Variants in DLC1 observed in about 807,000 individuals in gnomAD.
The protein encoded by DLC1 is DLC1 Rho GTPase activating protein, also known as rho GTPase-activating protein 7.
Under a neutral mutation model 140.3 loss-of-function variants are expected in DLC1, and 54 were observed. The ratio of observed to expected loss-of-function variants is 0.38; its 90% confidence interval spans 0.31 to 0.48. The LOEUF (loss-of-function observed/expected upper bound fraction) is 0.48. Ranked by LOEUF, DLC1 falls within the 20% of genes least tolerant of loss-of-function variation. The pLI, the probability that DLC1 is intolerant of heterozygous loss-of-function variation, is 0.96. For missense variants in DLC1, 2,536 were observed against 1,907.0 expected, an observed-to-expected ratio of 1.33 and a Z score of -6.14; for synonymous variants, 986 against 728.1, an observed-to-expected ratio of 1.35 and a Z score of -5.70.
At chr8:13,276,551 G>A in intron 5 of DLC1, 2 of 1,289,858 alleles carry the variant, frequency 1.6e-6, no homozygotes, top group Non-Finnish European at 2.0e-6. Flanking sequence ...CCAACTGCAG[G>A]CGGCCTCCTG....
rs546647039 is a variant in DLC1, at chr8:13,521,247, G to C, written c.-125-21051C>G. ...AGGGGAACATCACCCACTGGGGCCT[G>C]TTGGAGGGGCTTGGGGAGGGAGAGC... On this transcript the variant is annotated intron_variant, in intron 1 of 1. Coordinates refer to the DLC1 transcript ENST00000631382. Among the ~76,000 whole-genome samples, 126 of 152,204 alleles carry C rather than the reference G, an allele frequency of 8.3e-4. 1 individual carries two copies. Among genetic ancestry groups the C allele is most frequent in the South Asian group, 4.4e-3 (21 of 4,814 alleles).
chr8:13,312,694 A>C (rs1257859697), intron 4 of DLC1, among the ~76,000 whole-genome samples: 2 of 152,156 alleles, frequency 1.3e-5, no homozygotes, highest in Non-Finnish European at 2.9e-5. Context: ...TAATATATTC[A>C]TTGTGTCTAT....
At chr8:13,462,472 T>C (rs1304600701) in intron 2 of DLC1, among the ~76,000 whole-genome samples, 1 of 151,500 alleles carries the variant, frequency 6.6e-6, no homozygotes, top group Non-Finnish European at 1.5e-5. Context: ...GGCGCGATCT[T>C]GGCTCACTGC....
Position 13,261,512 on chromosome 8 carries a change from C to G in DLC1, c.1348+43757G>C, listed in dbSNP as rs146129712. Among the ~76,000 whole-genome samples, 421 of 152,208 alleles carry G rather than the reference C, an allele frequency of 2.8e-3. 2 individuals are homozygous for G. The highest frequency in any genetic ancestry group is 0.01 in the Middle Eastern group (3 of 294). On this transcript the variant is annotated intron_variant, in intron 5 of 17. Coordinates refer to ENST00000276297, the MANE Select transcript of DLC1 (RefSeq NM_182643.3). ...ATATAGTTTATGTTTATAAATATCA[C>G]TCTGGTCGTCATGTTTGGAATGAAT...
chr8:13,324,922 G>T (rs1352621317), intron 4 of DLC1, among the ~76,000 whole-genome samples: 1 of 152,082 alleles, frequency 6.6e-6, no homozygotes, highest in African/African-American at 2.4e-5. Flanking sequence ...CAACACTTTG[G>T]TGATACTGTG....
intron 1 of DLC1, among the ~76,000 whole-genome samples, 170 bp from the exon 2 acceptor site, chr8:13,500,366 A>C (rs1801756827): frequency 1.3e-5 from 2 of 152,344 alleles, no homozygotes; most frequent in South Asian, 4.1e-4. Flanking sequence ...TACTAGAAGG[A>C]AATTTAACAT....
intron 5 of DLC1, among the ~76,000 whole-genome samples, chr8:13,221,287 C>G (rs1268136475): frequency 6.6e-6 from 1 of 152,072 alleles, no homozygotes; most frequent in Non-Finnish European, 1.5e-5. Flanking sequence ...GAAGAGCCCT[C>G]AAAAGCTGGC....
intron 1 of DLC1, among the ~76,000 whole-genome samples, chr8:13,542,400 G>A (rs1803515201): frequency 6.6e-6 from 1 of 152,066 alleles, no homozygotes; most frequent in African/African-American, 2.4e-5. Context: ...TGTACCATTG[G>A]TCTATAGATC....
At chr8:13,091,244 C>G (rs1416844008) in intron 14 of DLC1, 74 bp downstream of exon 14, 2 of 1,468,106 alleles carry the variant, frequency 1.4e-6, no homozygotes, top group Non-Finnish European at 9.5e-7. Context: ...AAGACATGAA[C>G]AAGGGTCAAG....
At chr8:13,181,931 G>A (rs917822655) in intron 5 of DLC1, among the ~76,000 whole-genome samples, 7 of 152,252 alleles carry the variant, frequency 4.6e-5, no homozygotes, top group Non-Finnish European at 1.0e-4. Flanking sequence ...CACAATGGTT[G>A]AACTAATTTA....
chr8:13,491,104 T>TA lies in DLC1; in HGVS notation c.1023+7944_1023+7945insT, dbSNP rs1563393148. Reference sequence around the variant, plus strand: ...TATACATATTCAAATTTAATATTTTTTATATATATATTCAGATTTAATATT... The same window carrying TA: ...TATACATATTCAAATTTAATATTTTTATATATATATATTCAGATTTAATATT... On this transcript the variant is annotated intron_variant, in intron 2 of 17. Coordinates refer to ENST00000276297, the MANE Select transcript of DLC1 (RefSeq NM_182643.3). Among the ~76,000 whole-genome samples the TA allele has an allele frequency of 8.3e-3, 1,221 of 147,464 alleles. 23 individuals carry two copies. The highest frequency in any genetic ancestry group is 0.032 in the Middle Eastern group (9 of 278).
chr8:13,591,077 C>T (rs1805499621), intron 1 of DLC1, among the ~76,000 whole-genome samples: 1 of 151,914 alleles, frequency 6.6e-6, no homozygotes. Flanking sequence ...GAAAAAGAAA[C>T]AGGTCACAGA....
Position 13,083,857 on chromosome 8 carries a change from TG to T in DLC1, c.*1953del, listed in dbSNP as rs1171311191. The T allele has an allele frequency of 7.2e-5, 11 of 152,678 alleles. No individual in the cohort carries two copies. The highest frequency in any genetic ancestry group is 2.7e-4 in the African/African-American group (11 of 41,462). 9.5% of individuals were successfully genotyped at this position (152,678 alleles called of 1,614,324 possible). On this transcript the variant is annotated 3_prime_UTR_variant, in exon 18 of 18. Coordinates refer to ENST00000276297, the MANE Select transcript of DLC1 (RefSeq NM_182643.3). The stretch of plus-strand genomic sequence containing the variant: ...TAGTTGATGCTAAAATGCTATGCTT[TG>T]CAATCTGTGGTTTTAAGGGTGGGAG...
chr8:13,502,786 T>G (rs1801881003), intron 1 of DLC1, among the ~76,000 whole-genome samples: 1 of 152,228 alleles, frequency 6.6e-6, no homozygotes, highest in Non-Finnish European at 1.5e-5. Context: ...ATCCTATTCA[T>G]GCAGTTTCAT....
At chr8:13,504,121 A>ATTTT (rs370240794) in intron 1 of DLC1, among the ~76,000 whole-genome samples, 2,862 of 126,388 alleles carry the variant, frequency 0.023, 65 homozygotes, top group African/African-American at 0.05. Flanking sequence ...ATTTCAGAGA[A>ATTTT]TTTTTTTTTT....
chr8:13,278,818 G>A (rs548257300), intron 5 of DLC1, among the ~76,000 whole-genome samples: 3 of 152,290 alleles, frequency 2.0e-5, no homozygotes, highest in Admixed American at 2.0e-4. Context: ...TATAATGTAT[G>A]ATAAAGTCGT....
chr8:13,393,771 G>C, intron 3 of DLC1, 78 bp from the exon 4 acceptor site: 6 of 1,522,100 alleles, frequency 3.9e-6, no homozygotes, highest in Non-Finnish European at 5.3e-6. Context: ...CCAGAACTTT[G>C]TCACTTCTTC....
intron 5 of DLC1, among the ~76,000 whole-genome samples, chr8:13,280,232 G>C (rs1277470003): frequency 7.1e-6 from 1 of 141,148 alleles, no homozygotes; most frequent in African/African-American, 2.6e-5. Context: ...AGTTTACAGT[G>C]AGCCGAGATC....
chr8:13,234,815 G>T (rs1318516310), intron 5 of DLC1, among the ~76,000 whole-genome samples: 1 of 152,046 alleles, frequency 6.6e-6, no homozygotes, highest in Non-Finnish European at 1.5e-5. Context: ...TTTGGTATGG[G>T]ATCTTGGCAA....
Sources: allele counts gnomAD v4.1 joint callset (sites outside exome capture counted in the v4.1 genomes callset), GRCh38; gene constraint gnomAD v4.1.1; transcripts MANE v1.5; gene names NCBI Gene and HGNC (gene_info 2026-07-23, HGNC 2026-07-21).